SUMF1: variants seen among roughly 807,000 people sequenced by gnomAD.
The protein encoded by SUMF1 is formylglycine-generating enzyme.
A neutral mutation model predicts 47.6 loss-of-function variants in SUMF1; 48 were observed. The ratio of observed to expected loss-of-function variants is 1.01; its 90% CI spans 0.80 to 1.28. The LOEUF (loss-of-function observed/expected upper bound fraction) is 1.28, where lower values mean the gene tolerates loss of function less well. Ranked by LOEUF, SUMF1 falls within the 50% of genes most tolerant of loss-of-function variation. The pLI, the probability that SUMF1 is intolerant of heterozygous loss-of-function variation, is 0.00. For missense variants in SUMF1, 571 were observed against 485.4 expected, an observed-to-expected ratio of 1.18 and a Z score of -1.66; for synonymous variants, 230 against 192.1, an observed-to-expected ratio of 1.20 and a Z score of -1.63.
intron 8 of SUMF1, among the ~76,000 whole-genome samples, chr3:4,103,750 C>G (rs1184492053): frequency 6.6e-6 from 1 of 152,042 alleles, no homozygotes; most frequent in Non-Finnish European, 1.5e-5. Context: ...CTTAGACAAA[C>G]CACCATGATT....
At position 4,232,596 on chromosome 3, in the gene SUMF1, G is replaced by A. The variant is rs186828581; in HGVS notation, c.1014+143734C>T. Among the ~76,000 whole-genome samples, 7 of 151,508 alleles carry A rather than the reference G, an allele frequency of 4.6e-5. No individual in the cohort carries two copies. In the East Asian group the frequency reaches 1.2e-3, roughly 25 times the overall value. On this transcript the variant is annotated intron_variant and NMD_transcript_variant, in intron 8 of 12. Transcript: ENST00000448413. Reference sequence around the variant, plus strand: ...AAGGAAGAATTTATGCTTGCTTGCCGCCAAAAGAAAACAAAAAAAAATGAA... The same window carrying A: ...AAGGAAGAATTTATGCTTGCTTGCCACCAAAAGAAAACAAAAAAAAATGAA...
At chr3:4,458,078 G>A (rs1018697888) in intron 1 of SUMF1, among the ~76,000 whole-genome samples, 20 of 152,210 alleles carry the variant, frequency 1.3e-4, no homozygotes, top group Admixed American at 7.2e-4. Context: ...CAAAGGACCC[G>A]AATAGACATT....
At chr3:4,466,891 T>TC in intron 1 of SUMF1, 85 bp downstream of exon 1, 1 of 1,539,906 alleles carries the variant, frequency 6.5e-7, no homozygotes, top group Non-Finnish European at 8.8e-7. Flanking sequence ...TTACTTCCCT[T>TC]CCTACTAGTG....
chr3:4,249,542 T>C (rs955435507), intron 8 of SUMF1, among the ~76,000 whole-genome samples: 1 of 152,200 alleles, frequency 6.6e-6, no homozygotes, highest in African/African-American at 2.4e-5. Flanking sequence ...CCATATAAGA[T>C]GGCAAACTTA....
chr3:4,215,856 G>A (rs1156969017), intron 8 of SUMF1, among the ~76,000 whole-genome samples: 4 of 152,102 alleles, frequency 2.6e-5, no homozygotes, highest in African/African-American at 4.8e-5. Context: ...CCTCTTCCAG[G>A]AGAACTACAA....
chr3:4,108,082 T>C (rs1204076427), intron 8 of SUMF1, among the ~76,000 whole-genome samples: 1 of 152,128 alleles, frequency 6.6e-6, no homozygotes, highest in Non-Finnish European at 1.5e-5. Context: ...TTTTTCAAAC[T>C]GTAGGTTGCT....
chr3:4,367,479 AAACTACTTTAAAGTTCATATGG>A (rs1176861676), intron 8 of SUMF1, among the ~76,000 whole-genome samples: 6 of 152,140 alleles, frequency 3.9e-5, no homozygotes, highest in Middle Eastern at 3.4e-3. Context: ...GAATTGGAAA[AAACTACTTTAAAGTTCATATGG>A]AACTAAAAAA....
intron 8 of SUMF1, among the ~76,000 whole-genome samples, chr3:4,351,223 C>A (rs1217775438): frequency 8.1e-6 from 1 of 123,490 alleles, no homozygotes; most frequent in East Asian, 2.7e-4. Context: ...GTGAGGTCTC[C>A]CCACCCTCCC....
chr3:4,284,536 A>G (rs1456604271), intron 8 of SUMF1, among the ~76,000 whole-genome samples: 1 of 151,124 alleles, frequency 6.6e-6, no homozygotes, highest in Non-Finnish European at 1.5e-5. Flanking sequence ...CCATTCTGCT[A>G]CAGGTGACCC....
At chr3:4,109,458 T>G (rs545683094) in intron 8 of SUMF1, among the ~76,000 whole-genome samples, 51 of 152,218 alleles carry the variant, frequency 3.4e-4, no homozygotes, top group African/African-American at 1.2e-3. Flanking sequence ...TTTCCTGAAT[T>G]TGAATGTTGG....
intron 8 of SUMF1, among the ~76,000 whole-genome samples, chr3:4,128,224 T>A (rs745748673): frequency 2.6e-5 from 4 of 152,110 alleles, no homozygotes; most frequent in African/African-American, 4.8e-5. Context: ...ATCATGCGAG[T>A]GACTGACCTG....
intron 8 of SUMF1, among the ~76,000 whole-genome samples, chr3:4,268,941 T>G (rs1486053600): frequency 6.6e-6 from 1 of 152,090 alleles, no homozygotes; most frequent in Non-Finnish European, 1.5e-5. Context: ...TTGCAAATCA[T>G]AGCATGCTCC....
At chr3:4,451,016 C>T (rs756673691) in intron 2 of SUMF1, among the ~76,000 whole-genome samples, 25 of 151,438 alleles carry the variant, frequency 1.7e-4, no homozygotes, top group Admixed American at 4.6e-4. Context: ...TTTTTGAGCT[C>T]CTTGGCAGTA....
intron 8 of SUMF1, among the ~76,000 whole-genome samples, chr3:4,089,139 G>A (rs1021399758): frequency 6.6e-6 from 1 of 152,060 alleles, no homozygotes; most frequent in African/African-American, 2.4e-5. Flanking sequence ...TATCCCTCAT[G>A]TATTCTGAAA....
intron 8 of SUMF1, among the ~76,000 whole-genome samples, chr3:4,230,968 A>G (rs1248728039): frequency 2.0e-5 from 3 of 152,206 alleles, no homozygotes; most frequent in Non-Finnish European, 2.9e-5. Context: ...AAAGGGAGGT[A>G]CATGTGAATT....
intron 9 of SUMF1, among the ~76,000 whole-genome samples, chr3:4,038,736 A>C (rs1694850917): frequency 6.6e-6 from 1 of 152,080 alleles, no homozygotes; most frequent in Non-Finnish European, 1.5e-5. Flanking sequence ...CAGGAATAGA[A>C]CCACTGCTGT....
intron 8 of SUMF1, among the ~76,000 whole-genome samples, chr3:4,241,921 G>T (rs760490834): frequency 2.0e-5 from 3 of 152,166 alleles, no homozygotes; most frequent in Non-Finnish European, 2.9e-5. Context: ...AACACACAGG[G>T]AAGTTGACTA....
intron 8 of SUMF1, among the ~76,000 whole-genome samples, chr3:4,163,416 G>A (rs1183555145): frequency 7.8e-5 from 5 of 64,424 alleles, no homozygotes; most frequent in African/African-American, 1.5e-4. Context: ...GGGAGGGAGG[G>A]AGGGAGGGAG....
At chr3:4,219,103 C>T (rs1037696183) in intron 8 of SUMF1, among the ~76,000 whole-genome samples, 3 of 152,152 alleles carry the variant, frequency 2.0e-5, no homozygotes, top group Admixed American at 2.0e-4. Context: ...CATACCACCC[C>T]CACACAGGCT....
Sources: allele counts gnomAD v4.1 joint callset (sites outside exome capture counted in the v4.1 genomes callset), GRCh38; gene constraint gnomAD v4.1.1; transcripts MANE v1.5; gene names NCBI Gene and HGNC (gene_info 2026-07-23, HGNC 2026-07-21).